The following BACE2 variants were observed in gnomAD, a reference collection of about 807,000 sequenced individuals.
BACE2 encodes the protein beta-secretase 2.
BACE2 carries 17 observed loss-of-function variants against 46.2 expected under a neutral mutation model. The ratio of observed to expected loss-of-function variants is 0.37; its 90% CI spans 0.25 to 0.55. The LOEUF is 0.55. BACE2 is among the 20% of genes least tolerant of loss of function. The pLI is 0.82. For synonymous variants in BACE2, 277 were observed against 295.9 expected (o/e 0.94, Z 0.66); for missense variants, 595 against 698.1 (o/e 0.85, Z 1.66).
rs1306216905 is a variant in BACE2, at chr21:41,276,078, A to C, written c.*454A>C. 1 of 169,100 alleles carries C rather than the reference A, an allele frequency of 5.9e-6. No individual in the cohort carries two copies. Among genetic ancestry groups the C allele is most frequent in the Non-Finnish European group, 1.3e-5 (1 of 76,978 alleles). 10.5% of individuals were successfully genotyped at this position (169,100 alleles called of 1,614,324 possible). A position where few individuals can be genotyped will look rare whatever the true frequency, so the allele number is the denominator to read the frequency against. ...TTCCGCCAGACCTCAACCTGGGTCA[A>C]AGTGGTACAGGAAGGCTTGCAGTAT... On this transcript the variant is annotated 3_prime_UTR_variant, in exon 9 of 9. Transcript: ENST00000330333.
In BACE2 at chr21:41,257,174, T is replaced by C. The variant is rs1255545244; in HGVS notation, c.1151T>C (p.Met384Thr). ...TILPQLYIQP[M>T]MGAGLNYECY... is the part of the protein sequence containing the mutation. ...GACAAACAGCTTTACATTCAGCCCA[T>C]GATGGGGGCCGGCCTGAATTATGAA... Residue 384 changes from methionine to threonine, a missense_variant, in exon 8 of 9, where the codon ATG becomes ACG. Transcript: ENST00000330333. 2.6e-5 allele frequency: 42 copies of C among 1,614,202 alleles called. No homozygotes were observed. Among genetic ancestry groups the C allele is most frequent in the Non-Finnish European group, 3.6e-5 (42 of 1,180,028 alleles).
At chr21:41,262,884 A>C (rs1987975416) in intron 8 of BACE2, among the ~76,000 whole-genome samples, 1 of 152,112 alleles carries the variant, frequency 6.6e-6, no homozygotes, top group Non-Finnish European at 1.5e-5. Flanking sequence ...CTTTCTAGAA[A>C]TGGTTTTTAG....
At chr21:41,192,147 A>G (rs1759671037) in intron 1 of BACE2, among the ~76,000 whole-genome samples, 2 of 152,220 alleles carry the variant, frequency 1.3e-5, no homozygotes, top group African/African-American at 4.8e-5. Flanking sequence ...AAGGGGCTGT[A>G]GTGCTGCAGC....
intron 1 of BACE2, among the ~76,000 whole-genome samples, chr21:41,207,730 T>C (rs1986173464): frequency 6.6e-6 from 1 of 152,228 alleles, no homozygotes; most frequent in Non-Finnish European, 1.5e-5. Context: ...ACACAGGCTC[T>C]CTGGCCTCCA....
rs188567058 is a variant in BACE2, at chr21:41,249,906, G to A, written c.985-846G>A. Among the ~76,000 whole-genome samples, 814 of 152,280 alleles carry A rather than the reference G, an allele frequency of 5.3e-3. 3 individuals carry two copies. Among genetic ancestry groups the A allele is most frequent in the Non-Finnish European group, 8.5e-3 (579 of 68,020 alleles). ...TATGGGCAGATGCTACCTTCCTTCC[G>A]GTTCCCTGGTGAGAGGTACTGGTGG... is the stretch of plus-strand genomic sequence containing the variant. On this transcript the variant is annotated intron_variant, in intron 6 of 8. Transcript: ENST00000330333.
Position 41,273,659 on chromosome 21 carries a change from A to C in BACE2, c.1304-1712A>C, listed in dbSNP as rs377523158. Among the ~76,000 whole-genome samples, 6 of 152,276 alleles carry C rather than the reference A, an allele frequency of 3.9e-5. 1 individual carries two copies. In the East Asian group the frequency reaches 1.2e-3, roughly 29 times the overall value. On this transcript the variant is annotated intron_variant, in intron 8 of 8. Transcript: ENST00000330333. The stretch of plus-strand genomic sequence containing the variant: ...TTAAACAATTTGTGCAGTTAACACA[A>C]TCATCACAGGGTCCTGAGGTGGCAT...
chr21:41,203,386 C>T (rs888475225), intron 1 of BACE2, among the ~76,000 whole-genome samples: 3 of 151,932 alleles, frequency 2.0e-5, no homozygotes, highest in Admixed American at 6.6e-5. Flanking sequence ...AGAGCCAGTA[C>T]GACGGCCTTG....
rs2088480583 is a variant in BACE2 at position 41,275,693 on chromosome 21, C to T, written c.*69C>T. The T allele has an allele frequency of 6.4e-7, 1 of 1,569,746 alleles. No individual in the cohort carries two copies. The highest frequency in any genetic ancestry group is 1.7e-5 in the Admixed American group (1 of 58,032). On this transcript the variant is annotated 3_prime_UTR_variant, in exon 9 of 9. Coordinates refer to ENST00000330333, the MANE Select transcript of BACE2 (RefSeq NM_012105.5). ...GAAAATCACATTTCCAGGGCAGCAG[C>T]CGGGATCGATGGTGGCGCTTTCTCC...
intron 2 of BACE2, among the ~76,000 whole-genome samples, chr21:41,234,045 C>T (rs1987040672): frequency 6.6e-6 from 1 of 152,160 alleles, no homozygotes; most frequent in South Asian, 2.1e-4. Context: ...ATTGTAGCTC[C>T]CATAATTACC....
In BACE2 at chr21:41,246,075, G is replaced by T; in HGVS notation, c.984+12G>T. 1 of 1,582,126 alleles carries T rather than the reference G, an allele frequency of 6.3e-7. No individual in the cohort carries two copies. Among genetic ancestry groups the T allele is most frequent in the East Asian group, 2.3e-5 (1 of 43,352 alleles). Reference sequence around the variant, plus strand: ...CCCGCGCATCTCTGGTGAGTCCTCGGGACACTCACGGGTCCCCGAGTTGCT... The same window carrying T: ...CCCGCGCATCTCTGGTGAGTCCTCGTGACACTCACGGGTCCCCGAGTTGCT... On this transcript the variant is annotated intron_variant, in intron 6 of 8. Coordinates refer to ENST00000330333, the MANE Select transcript of BACE2 (RefSeq NM_012105.5).
chr21:41,256,223 A>G (rs1165558078), intron 7 of BACE2, among the ~76,000 whole-genome samples: 4 of 151,964 alleles, frequency 2.6e-5, no homozygotes, highest in Admixed American at 6.6e-5. Context: ...TATTTCTCCT[A>G]ATGTTATCCC....
intron 8 of BACE2, among the ~76,000 whole-genome samples, chr21:41,266,485 A>G (rs773932537): frequency 8.5e-5 from 13 of 152,196 alleles, no homozygotes; most frequent in Non-Finnish European, 1.9e-4. Flanking sequence ...GTTTCTGCTG[A>G]GTGTCCGCAG....
At chr21:41,244,561 T>G (rs1247824370) in intron 5 of BACE2, among the ~76,000 whole-genome samples, 1 of 67,182 alleles carries the variant, frequency 1.5e-5, no homozygotes, top group Non-Finnish European at 2.5e-5. Flanking sequence ...CTGGCCATTT[T>G]CACTTCTTTT....
chr21:41,256,055 G>T (rs768227330), intron 7 of BACE2, among the ~76,000 whole-genome samples: 9 of 151,652 alleles, frequency 5.9e-5, no homozygotes, highest in East Asian at 3.9e-4. Flanking sequence ...TAAGAGTCAG[G>T]CAACCTTTTT....
intron 6 of BACE2, among the ~76,000 whole-genome samples, 194 bp from the exon 7 acceptor site, chr21:41,250,558 C>G (rs1987607706): frequency 6.6e-6 from 1 of 152,204 alleles, no homozygotes; most frequent in African/African-American, 2.4e-5. Context: ...CTTCATGTGT[C>G]TTGACAATTT....
intron 1 of BACE2, among the ~76,000 whole-genome samples, chr21:41,199,324 C>T (rs1985866889): frequency 6.6e-6 from 1 of 152,038 alleles, no homozygotes; most frequent in Non-Finnish European, 1.5e-5. Flanking sequence ...TCCCTCCCTG[C>T]CTCCTTCTGG....
At chr21:41,179,411 T>A (rs1241202512) in intron 1 of BACE2, 1 of 1,248,410 alleles carries the variant, frequency 8.0e-7, no homozygotes, top group Non-Finnish European at 1.0e-6. Context: ...GTGTCCAGGG[T>A]GAGTGAGGGT....
intron 1 of BACE2, chr21:41,183,015 C>T (rs1018635066): frequency 2.4e-5 from 4 of 166,434 alleles, no homozygotes; most frequent in Admixed American, 6.5e-5. Flanking sequence ...TTCTTTAGCA[C>T]ATTTTATGGA....
At chr21:41,199,044 C>T (rs895257687) in intron 1 of BACE2, among the ~76,000 whole-genome samples, 11 of 134,542 alleles carry the variant, frequency 8.2e-5, no homozygotes, top group South Asian at 2.8e-4. Flanking sequence ...ACGACAGGCC[C>T]CCATGTGTGA....
Sources: allele counts gnomAD v4.1 joint callset (sites outside exome capture counted in the v4.1 genomes callset), GRCh38; gene constraint gnomAD v4.1.1; transcripts MANE v1.5; gene names NCBI Gene and HGNC (gene_info 2026-07-23, HGNC 2026-07-21).